The following STT3B variants were observed in gnomAD, a reference collection of about 807,000 sequenced individuals.
The protein encoded by STT3B is dolichyl-diphosphooligosaccharide--protein glycosyltransferase subunit STT3B.
A neutral mutation model predicts 96.8 loss-of-function variants in STT3B; 29 were observed. The ratio of observed to expected loss-of-function variants is 0.30; its 90% CI spans 0.22 to 0.41. The LOEUF is 0.41. STT3B is among the 10% of genes least tolerant of loss of function. STT3B has a pLI of 1.00. For missense variants in STT3B, 640 were observed against 1,022.3 expected (o/e 0.63, Z 5.10); for synonymous variants, 367 against 360.0 (o/e 1.02, Z -0.22).
Position 31,635,972 on chromosome 3 carries a change from G to T in STT3B, c.2401-12G>T. ...AACCTGCATTAATACTATGTGTTTT[G>T]TTTTTTTATAGACTACCAAAAGGAA... On this transcript the variant is annotated splice_polypyrimidine_tract_variant and intron_variant, in intron 15 of 15. Transcript: ENST00000295770. The T allele has an allele frequency of 1.9e-6, 3 of 1,592,986 alleles. No individual in the cohort carries two copies. Among genetic ancestry groups the T allele is most frequent in the Non-Finnish European group, 2.6e-6 (3 of 1,169,490 alleles).
rs771126609 is a variant in STT3B at position 31,617,090 on chromosome 3, C to T, written c.1123+15C>T. On this transcript the variant is annotated intron_variant, in intron 7 of 15. Coordinates refer to ENST00000295770, the MANE Select transcript of STT3B (RefSeq NM_178862.3). ...GACTTATACAGGTACGTGTTATCAC[C>T]TGTAGGGTGTGAATATTGTCTATAC... is the stretch of plus-strand genomic sequence containing the variant. 1.3e-6 allele frequency: 2 copies of T among 1,550,146 alleles called. No individual in the cohort carries two copies. The highest frequency in any genetic ancestry group is 2.5e-5 in the South Asian group (2 of 80,830).
chr3:31,614,826 C>A (rs1194116644), intron 5 of STT3B, among the ~76,000 whole-genome samples: 1 of 151,844 alleles, frequency 6.6e-6, no homozygotes, highest in African/African-American at 2.4e-5. Context: ...TAGATCAAAA[C>A]AAACTTGATT....
chr3:31,616,484 T>C (rs972617536), intron 6 of STT3B, among the ~76,000 whole-genome samples: 11 of 152,000 alleles, frequency 7.2e-5, no homozygotes, highest in Admixed American at 5.2e-4. Flanking sequence ...CACATCTTAT[T>C]ACTCAGTTAT....
At chr3:31,545,519 T>C (rs1254450226) in intron 1 of STT3B, among the ~76,000 whole-genome samples, 1 of 152,222 alleles carries the variant, frequency 6.6e-6, no homozygotes, top group Non-Finnish European at 1.5e-5. Flanking sequence ...TGTCATATTC[T>C]ATATATAATT....
intron 3 of STT3B, among the ~76,000 whole-genome samples, chr3:31,585,372 A>G (rs1698513956): frequency 6.6e-6 from 1 of 152,120 alleles, no homozygotes; most frequent in African/African-American, 2.4e-5. Flanking sequence ...GGAAGTAATA[A>G]TTGTACCTTC....
At chr3:31,546,587 G>A (rs1041228343) in intron 1 of STT3B, among the ~76,000 whole-genome samples, 13 of 152,170 alleles carry the variant, frequency 8.5e-5, no homozygotes, top group Non-Finnish European at 1.8e-4. Flanking sequence ...TCAATGTTGA[G>A]AGGAGATGCA....
rs771664139 is a variant in STT3B, at chr3:31,625,819, G to A, written c.1900-135G>A. The A allele has an allele frequency of 8.1e-6, 6 of 739,322 alleles. No homozygotes were observed. In the Admixed American group the frequency reaches 9.2e-5, roughly 11 times the overall value. The allele number at this position is 739,322 out of a possible 1,614,324, so 45.8% of individuals were successfully genotyped here. ...TTCCAATGCATTTGTTGAATTCATAGTAAATCATTTCTGCAAAAAAATTCC... is the reference window on the plus strand; with the variant it reads ...TTCCAATGCATTTGTTGAATTCATAATAAATCATTTCTGCAAAAAAATTCC... On this transcript the variant is annotated intron_variant, in intron 12 of 15. Transcript: ENST00000295770.
intron 1 of STT3B, among the ~76,000 whole-genome samples, chr3:31,544,653 G>A (rs75445171): frequency 1.3e-5 from 2 of 152,176 alleles, no homozygotes; most frequent in Non-Finnish European, 2.9e-5. Flanking sequence ...AGCAGGGTTT[G>A]TTGAAGACAT....
intron 4 of STT3B, among the ~76,000 whole-genome samples, chr3:31,598,875 T>G (rs1300854026): frequency 1.3e-5 from 2 of 152,068 alleles, no homozygotes; most frequent in East Asian, 3.9e-4. Context: ...AATGGCATGA[T>G]CTCAGCTCAC....
chr3:31,567,116 T>A (rs745689098), intron 1 of STT3B, among the ~76,000 whole-genome samples: 1 of 152,172 alleles, frequency 6.6e-6, no homozygotes, highest in Non-Finnish European at 1.5e-5. Context: ...ACTTGGAGTC[T>A]ATGTGTGGTT....
rs900752574 is a variant in STT3B, at chr3:31,549,278, A to G, written c.314+15966A>G. ...ACATACTTTTTTTTTCAAATGGGAC[A>G]GTTGAGTATCTGCTCATTGATAGCA... On this transcript the variant is annotated intron_variant, in intron 1 of 15. Transcript: ENST00000295770. Among the ~76,000 whole-genome samples the G allele has an allele frequency of 2.4e-4, 36 of 151,810 alleles. 1 individual carries two copies. The highest frequency in any genetic ancestry group is 8.5e-4 in the African/African-American group (35 of 41,340).
chr3:31,625,576 A>C (rs1247997176), intron 12 of STT3B, among the ~76,000 whole-genome samples: 1 of 152,226 alleles, frequency 6.6e-6, no homozygotes, highest in Non-Finnish European at 1.5e-5. Flanking sequence ...TGTTGTAGCT[A>C]ATTATCAGAT....
At chr3:31,557,778 GC>G (rs1230773131) in intron 1 of STT3B, among the ~76,000 whole-genome samples, 2 of 152,084 alleles carry the variant, frequency 1.3e-5, no homozygotes, top group Non-Finnish European at 2.9e-5. Flanking sequence ...GACCACAGGC[GC>G]CCGCCACCAT....
At chr3:31,552,209 A>G (rs780093778) in intron 1 of STT3B, among the ~76,000 whole-genome samples, 14 of 152,156 alleles carry the variant, frequency 9.2e-5, no homozygotes, top group Non-Finnish European at 4.4e-5. Flanking sequence ...TAATACAAAT[A>G]CCCTTCGTAA....
intron 2 of STT3B, among the ~76,000 whole-genome samples, chr3:31,576,930 A>G (rs894171104): frequency 6.6e-6 from 1 of 152,176 alleles, no homozygotes; most frequent in African/African-American, 2.4e-5. Flanking sequence ...AGACATTCCA[A>G]ATTATTCCAG....
chr3:31,545,710 C>T (rs1028538030), intron 1 of STT3B, among the ~76,000 whole-genome samples: 1 of 152,028 alleles, frequency 6.6e-6, no homozygotes, highest in Non-Finnish European at 1.5e-5. Flanking sequence ...ATAAAACTCT[C>T]ATATGTATAT....
chr3:31,615,661 A>G (rs554282589), intron 6 of STT3B, among the ~76,000 whole-genome samples: 2 of 151,892 alleles, frequency 1.3e-5, no homozygotes, highest in East Asian at 3.9e-4. Flanking sequence ...AGAGAGATGT[A>G]TATTTAGTGT....
chr3:31,626,372 T>C (rs1427406151), intron 13 of STT3B, among the ~76,000 whole-genome samples: 1 of 152,226 alleles, frequency 6.6e-6, no homozygotes, highest in African/African-American at 2.4e-5. Flanking sequence ...TTCTTACTTT[T>C]ACGTCTCTTC....
At chr3:31,597,990 T>C (rs1698832578) in intron 4 of STT3B, among the ~76,000 whole-genome samples, 1 of 151,752 alleles carries the variant, frequency 6.6e-6, no homozygotes, top group Non-Finnish European at 1.5e-5. Flanking sequence ...TGTGTGCCAC[T>C]ATGCCCGGCT....
Sources: gnomAD v4.1 joint callset for allele counts (sites outside exome capture counted in the v4.1 genomes callset) on GRCh38, gnomAD v4.1.1 for gene constraint, MANE v1.5 for transcripts, NCBI Gene and HGNC (gene_info 2026-07-23, HGNC 2026-07-21) for gene names.